PON3: variants seen among roughly 807,000 people sequenced by gnomAD.
PON3 encodes the protein paraoxonase 3.
In PON3, 37 loss-of-function variants were observed where a neutral mutation model predicts 36.3. The observed-to-expected ratio is 1.02, with a 90% CI of 0.78 to 1.34. PON3 has a LOEUF of 1.34. Ranked by LOEUF, PON3 falls within the 40% of genes most tolerant of loss-of-function variation. The probability of loss-of-function intolerance (pLI) is 0.00; values close to 1 mark genes in which losing one functional copy is unlikely to be tolerated. For missense variants in PON3, 415 were observed against 426.5 expected, an observed-to-expected ratio of 0.97 and a Z score of 0.24; for synonymous variants, 155 against 154.8, an observed-to-expected ratio of 1.00 and a Z score of -0.01.
At position 95,384,531 on chromosome 7, in the gene PON3, T is replaced by G. The variant is rs548434536; in HGVS notation, c.201+5623A>C. Among the ~76,000 whole-genome samples the G allele has an allele frequency of 8.9e-4, 136 of 152,160 alleles. 1 individual carries two copies. The highest frequency in any genetic ancestry group is 3.1e-3 in the African/African-American group (128 of 41,508). ...AAGAAAAAAACACCCCACCAAAAAG[T>G]GGGCAACGGATATGAACAGACACTT... On this transcript the variant is annotated intron_variant, in intron 3 of 8. Coordinates refer to ENST00000265627, the MANE Select transcript of PON3 (RefSeq NM_000940.3).
Position 95,363,970 on chromosome 7 carries a change from G to A in PON3, c.588C>T (p.Ile196=). 1 of 1,613,804 alleles carries A rather than the reference G, an allele frequency of 6.2e-7. No individual in the cohort carries two copies. Among genetic ancestry groups the A allele is most frequent in the Non-Finnish European group, 8.5e-7 (1 of 1,179,766 alleles). ...TNSLLSFFEM[I]LDLRWTYVLF... is the part of the protein sequence containing the mutation. ...GAACATAAGTCCAGCGAAGATCCAAGATCATCTCAAAAAATGACAGGAGGG... is the reference window on the plus strand; with the variant it reads ...GAACATAAGTCCAGCGAAGATCCAAAATCATCTCAAAAAATGACAGGAGGG... The change falls in exon 6 of 9, where the codon ATC becomes ATT. Residue 196 remains isoleucine, a synonymous_variant. Transcript: ENST00000265627.
chr7:95,389,577 G>A (rs953902761), intron 3 of PON3, among the ~76,000 whole-genome samples: 1 of 152,032 alleles, frequency 6.6e-6, no homozygotes, highest in Admixed American at 6.6e-5. Flanking sequence ...TGCTGTCCCT[G>A]GTGTAACTTC....
At chr7:95,377,728 T>A in intron 3 of PON3, 1 of 198,744 alleles carries the variant, frequency 5.0e-6, no homozygotes, top group South Asian at 5.4e-5. Flanking sequence ...AGGAATAGCA[T>A]CAACATCAAC....
chr7:95,389,708 C>T (rs1398592640), intron 3 of PON3, among the ~76,000 whole-genome samples: 1 of 152,014 alleles, frequency 6.6e-6, no homozygotes, highest in Admixed American at 6.5e-5. Context: ...AGTTTTAAAT[C>T]GAGTAACGTG....
chr7:95,363,949 A>C lies in PON3; in HGVS notation c.609T>G (p.Tyr203Ter). The C allele has an allele frequency of 1.9e-6, 3 of 1,613,926 alleles. No homozygotes were observed. Among genetic ancestry groups the C allele is most frequent in the Non-Finnish European group, 1.7e-6 (2 of 1,179,820 alleles). ...FEMILDLRWT[Y>*]VLFYSPREVK... ...CCTCCCTTGGGCTGTAGAAAAGAAC[A>C]TAAGTCCAGCGAAGATCCAAGATCA... Residue 203 changes from tyrosine to a stop codon, truncating the protein, a stop_gained, in exon 6 of 9, where the codon TAT (tyrosine) becomes TAG (stop). Coordinates refer to ENST00000265627, the MANE Select transcript of PON3 (RefSeq NM_000940.3). LOFTEE classifies it high-confidence loss of function.
intron 3 of PON3, among the ~76,000 whole-genome samples, chr7:95,383,469 A>C (rs1428674398): frequency 6.6e-6 from 1 of 152,222 alleles, no homozygotes; most frequent in African/African-American, 2.4e-5. Context: ...GTCTCAGCCC[A>C]AAATCTCCTT....
At chr7:95,394,888 T>G (rs932632852) in intron 1 of PON3, among the ~76,000 whole-genome samples, 174 bp from the exon 2 acceptor site, 1 of 152,210 alleles carries the variant, frequency 6.6e-6, no homozygotes. Context: ...GTAGACATTA[T>G]GTGGGTATTT....
At chr7:95,373,455 C>T (rs561999404) in intron 3 of PON3, among the ~76,000 whole-genome samples, 3 of 152,244 alleles carry the variant, frequency 2.0e-5, no homozygotes, top group African/African-American at 4.8e-5. Context: ...CAGACAACAC[C>T]GGCACTACTG....
chr7:95,391,274 G>A (rs1177341194), intron 2 of PON3, among the ~76,000 whole-genome samples: 1 of 152,158 alleles, frequency 6.6e-6, no homozygotes, highest in African/African-American at 2.4e-5. Context: ...GACATGGGAA[G>A]CTATAGAATG....
intron 2 of PON3, 52 bp downstream of exon 2, chr7:95,394,592 G>A: frequency 6.6e-7 from 1 of 1,513,556 alleles, no homozygotes; most frequent in Non-Finnish European, 9.2e-7. Context: ...CAGTCAGGTG[G>A]ATGACGACCA....
intron 8 of PON3, among the ~76,000 whole-genome samples, chr7:95,361,958 T>C (rs1420561096): frequency 1.3e-5 from 2 of 152,182 alleles, no homozygotes; most frequent in Non-Finnish European, 2.9e-5. Flanking sequence ...ACTCATTTTA[T>C]TTTGAGGCGA....
At chr7:95,368,709 AATAAG>A (rs1236658667) in intron 4 of PON3, among the ~76,000 whole-genome samples, 4 of 152,106 alleles carry the variant, frequency 2.6e-5, no homozygotes, top group Non-Finnish European at 5.9e-5. Context: ...ATGACAAACA[AATAAG>A]ATAAGCTGTG....
chr7:95,380,719 C>T (rs1429129085), intron 3 of PON3, among the ~76,000 whole-genome samples: 9 of 152,120 alleles, frequency 5.9e-5, no homozygotes, highest in African/African-American at 2.2e-4. Flanking sequence ...ACCAAATCTG[C>T]GTCTGATTGG....
chr7:95,387,563 A>G (rs562746780), intron 3 of PON3, among the ~76,000 whole-genome samples: 1 of 152,200 alleles, frequency 6.6e-6, no homozygotes, highest in Non-Finnish European at 1.5e-5. Flanking sequence ...TGCCCACGGT[A>G]ATTTATAGAT....
intron 3 of PON3, among the ~76,000 whole-genome samples, chr7:95,380,746 G>A (rs1040078959): frequency 1.3e-5 from 2 of 152,186 alleles, no homozygotes; most frequent in Admixed American, 6.5e-5. Context: ...TGAAAGTGAC[G>A]GGGAGAATGG....
chr7:95,362,602 TA>T, intron 7 of PON3, 112 bp from the exon 8 acceptor site: 1 of 1,516,562 alleles, frequency 6.6e-7, no homozygotes, highest in Non-Finnish European at 9.1e-7. Context: ...TTGGTGTTTT[TA>T]GGGGGCTTTG....
chr7:95,388,088 A>G (rs1173681791), intron 3 of PON3, among the ~76,000 whole-genome samples: 1 of 148,138 alleles, frequency 6.8e-6, no homozygotes, highest in African/African-American at 2.6e-5. Context: ...GACTTCACAA[A>G]TGGGATCTAA....
chr7:95,392,499 A>G (rs1334879181), intron 2 of PON3, among the ~76,000 whole-genome samples: 1 of 152,224 alleles, frequency 6.6e-6, no homozygotes, highest in African/African-American at 2.4e-5. Flanking sequence ...TATAGTGAAT[A>G]TGAATACTAC....
intron 3 of PON3, among the ~76,000 whole-genome samples, chr7:95,385,576 A>G (rs1268205600): frequency 6.6e-6 from 1 of 152,138 alleles, no homozygotes; most frequent in Non-Finnish European, 1.5e-5. Context: ...GACCTCATAG[A>G]CATACACAGA....
Sources: gnomAD v4.1 joint callset for allele counts (sites outside exome capture counted in the v4.1 genomes callset) on GRCh38, gnomAD v4.1.1 for gene constraint, MANE v1.5 for transcripts, NCBI Gene and HGNC (gene_info 2026-07-23, HGNC 2026-07-21) for gene names.